The following VTI1A variants were observed in gnomAD, a reference collection of about 807,000 sequenced individuals.
VTI1A encodes vesicle transport through interaction with t-SNAREs homolog 1A.
In VTI1A, 22 loss-of-function variants were observed where a neutral mutation model predicts 34.9. The observed-to-expected ratio is 0.63, with a 90% confidence interval of 0.45 to 0.90. VTI1A has a LOEUF of 0.90. Ranked by LOEUF, VTI1A falls within the 40% of genes least tolerant of loss-of-function variation. The pLI is 0.00. For synonymous variants in VTI1A, 87 were observed against 97.3 expected (o/e 0.89, Z 0.62); for missense variants, 268 against 275.6 (o/e 0.97, Z 0.20).
chr10:112,696,318 T>G (rs1290500247), intron 7 of VTI1A, among the ~76,000 whole-genome samples: 4 of 152,190 alleles, frequency 2.6e-5, no homozygotes, highest in Non-Finnish European at 5.9e-5. Context: ...CTCTTCTTTA[T>G]AGATTTTCTC....
At chr10:112,511,973 A>G (rs755650471) in intron 3 of VTI1A, among the ~76,000 whole-genome samples, 3 of 152,150 alleles carry the variant, frequency 2.0e-5, no homozygotes, top group Non-Finnish European at 2.9e-5. Context: ...TTGTTGATGA[A>G]CACTTAGGTT....
chr10:112,804,348 C>T (rs575582670), intron 7 of VTI1A, among the ~76,000 whole-genome samples: 2 of 152,366 alleles, frequency 1.3e-5, no homozygotes, highest in African/African-American at 4.8e-5. Context: ...CATCCAGCCA[C>T]TGGAAGTTTC....
chr10:112,693,122 T>C (rs141370801), intron 7 of VTI1A, among the ~76,000 whole-genome samples: 1 of 152,210 alleles, frequency 6.6e-6, no homozygotes, highest in African/African-American at 2.4e-5. Flanking sequence ...GTACCAAACA[T>C]GTGTAAGTGA....
chr10:112,726,998 T>G (rs957484460), intron 7 of VTI1A, among the ~76,000 whole-genome samples: 1 of 152,174 alleles, frequency 6.6e-6, no homozygotes, highest in African/African-American at 2.4e-5. Flanking sequence ...CTAAAAAAAT[T>G]TATAGCAATT....
intron 5 of VTI1A, among the ~76,000 whole-genome samples, chr10:112,627,381 C>G (rs993823494): frequency 6.6e-6 from 1 of 152,150 alleles, no homozygotes; most frequent in Non-Finnish European, 1.5e-5. Context: ...ATAGGTTCAG[C>G]AAACCCTAGT....
At chr10:112,819,505 T>C (rs1853611426), downstream of VTI1A, among the ~76,000 whole-genome samples, 1 of 152,050 alleles carries the variant, frequency 6.6e-6, no homozygotes, top group East Asian at 1.9e-4. Flanking sequence ...TAAAGGAAGA[T>C]GTGTGTCTGG....
intron 5 of VTI1A, among the ~76,000 whole-genome samples, chr10:112,590,767 C>A (rs1844358251): frequency 6.6e-6 from 1 of 151,894 alleles, no homozygotes; most frequent in Non-Finnish European, 1.5e-5. Flanking sequence ...GGTATATGCC[C>A]AAGATAATAA....
intron 3 of VTI1A, among the ~76,000 whole-genome samples, chr10:112,478,546 C>T (rs936127950): frequency 1.3e-5 from 2 of 152,068 alleles, no homozygotes. Flanking sequence ...ACTGTGGGAG[C>T]GTACACAAAG....
intron 7 of VTI1A, among the ~76,000 whole-genome samples, chr10:112,764,141 T>C (rs1476258911): frequency 6.6e-6 from 1 of 152,208 alleles, no homozygotes; most frequent in Non-Finnish European, 1.5e-5. Context: ...CCCCCATTCA[T>C]GGACATGGCG....
chr10:112,854,187 A>G, the VTI1A span, among the ~76,000 whole-genome samples: 3 of 152,218 alleles, frequency 2.0e-5, no homozygotes, highest in African/African-American at 7.2e-5. Context: ...CACAGGAAAC[A>G]CACCGGCTAT....
At chr10:112,772,621 A>G (rs544050619) in intron 7 of VTI1A, among the ~76,000 whole-genome samples, 1 of 152,200 alleles carries the variant, frequency 6.6e-6, no homozygotes, top group Non-Finnish European at 1.5e-5. Context: ...TAAAACCCAC[A>G]CCACAAGGAC....
At chr10:112,682,342 C>T (rs967670466) in intron 7 of VTI1A, among the ~76,000 whole-genome samples, 1 of 152,048 alleles carries the variant, frequency 6.6e-6, no homozygotes, top group Non-Finnish European at 1.5e-5. Context: ...TCTTTTTCTT[C>T]CCTGAATTAC....
intron 4 of VTI1A, among the ~76,000 whole-genome samples, chr10:112,532,691 A>G (rs577760871): frequency 7.3e-4 from 111 of 152,300 alleles, no homozygotes; most frequent in African/African-American, 2.6e-3. Context: ...ACTAAGAAGT[A>G]AGGAGTGATT....
chr10:112,455,482 C>G (rs1278971810), intron 1 of VTI1A, among the ~76,000 whole-genome samples: 1 of 47,798 alleles, frequency 2.1e-5, no homozygotes, highest in African/African-American at 9.5e-5. Context: ...CTTCCTTCCT[C>G]CCTCCCTCCC....
chr10:112,759,910 C>G (rs886248482), intron 7 of VTI1A, among the ~76,000 whole-genome samples: 2 of 152,182 alleles, frequency 1.3e-5, no homozygotes, highest in Non-Finnish European at 2.9e-5. Flanking sequence ...AATGTGGATG[C>G]TGTAATTAAA....
At chr10:112,789,236 A>C (rs201233844) in intron 7 of VTI1A, among the ~76,000 whole-genome samples, 1 of 151,908 alleles carries the variant, frequency 6.6e-6, no homozygotes, top group East Asian at 1.9e-4. Flanking sequence ...TACTAAAAAA[A>C]ATTCTCTTAT....
At position 112,764,459 on chromosome 10, in the gene VTI1A, T is replaced by C. The variant is rs144621400; in HGVS notation, c.561-50831T>C. 2.6e-3 allele frequency among the ~76,000 whole-genome samples: 397 copies of C among 152,320 alleles called. 4 individuals are homozygous for C. Among genetic ancestry groups the C allele is most frequent in the African/African-American group, 9.1e-3 (379 of 41,566 alleles). ...CCTAGTTATATTTTGCTTAAACCAA[T>C]GTGGTGTTTAAAAATGTTATTGTTA... On this transcript the variant is annotated intron_variant, in intron 7 of 7. Transcript: ENST00000393077.
At chr10:112,678,779 AAAC>A (rs1239304842) in intron 7 of VTI1A, among the ~76,000 whole-genome samples, 1 of 152,216 alleles carries the variant, frequency 6.6e-6, no homozygotes, top group African/African-American at 2.4e-5. Flanking sequence ...ATCAAAAGTC[AAAC>A]AACTGTGAAT....
rs541814530 is a variant in VTI1A at position 112,728,933 on chromosome 10, A to G, written c.560+59935A>G. 3.3e-5 allele frequency among the ~76,000 whole-genome samples: 5 copies of G among 152,310 alleles called. No homozygotes were observed. The East Asian group carries it at 9.6e-4, about 29-fold the overall frequency. Reference sequence around the variant, plus strand: ...CCATTTTATAAGTAAGGAAACAACTAACTCAGATCATGCCCTCCGTAAGTG... The same window carrying G: ...CCATTTTATAAGTAAGGAAACAACTGACTCAGATCATGCCCTCCGTAAGTG... On this transcript the variant is annotated intron_variant, in intron 7 of 7. Transcript: ENST00000393077.
Sources: gnomAD v4.1 joint callset for allele counts (sites outside exome capture counted in the v4.1 genomes callset) on GRCh38, gnomAD v4.1.1 for gene constraint, MANE v1.5 for transcripts, NCBI Gene and HGNC (gene_info 2026-07-23, HGNC 2026-07-21) for gene names.